The following SDK1 variants were observed in gnomAD, a reference collection of about 807,000 sequenced individuals.
The protein encoded by SDK1 is protein sidekick-1.
SDK1 carries 157 observed loss-of-function variants against 245.5 expected under a neutral mutation model. That is an observed-to-expected ratio of 0.64 (90% CI 0.56 to 0.73). SDK1 has a LOEUF of 0.73. Among genes scored for constraint, SDK1 ranks in the 30% least tolerant of loss-of-function variants. The pLI, the probability that SDK1 is intolerant of heterozygous loss-of-function variation, is 0.00. For missense variants in SDK1, 3,583 were observed against 3,002.3 expected (o/e 1.19, Z -4.52); for synonymous variants, 1,647 against 1,278.5 (o/e 1.29, Z -6.15).
At chr7:3,681,724 TAATTACTTGTTGAA>T (rs1366378214) in intron 4 of SDK1, among the ~76,000 whole-genome samples, 8 of 152,338 alleles carry the variant, frequency 5.3e-5, no homozygotes, top group African/African-American at 1.9e-4. Context: ...AGGCACATAA[TAATTACTTGTTGAA>T]TGAATACATT....
intron 44 of SDK1, among the ~76,000 whole-genome samples, chr7:4,260,981 G>A (rs566961507): frequency 6.6e-6 from 1 of 152,308 alleles, no homozygotes; most frequent in African/African-American, 2.4e-5. Context: ...TCTGTGTATT[G>A]TACCATAAGC....
chr7:3,799,704 C>CA (rs34448201), intron 4 of SDK1, among the ~76,000 whole-genome samples: 75,155 of 108,868 alleles, frequency 0.69, 27,313 homozygotes, highest in East Asian at 0.86. Context: ...GACTCCATCT[C>CA]AAAAAAAAAA....
chr7:3,617,581 A>G (rs570781719), intron 1 of SDK1, among the ~76,000 whole-genome samples: 3 of 152,324 alleles, frequency 2.0e-5, no homozygotes, highest in East Asian at 1.9e-4. Context: ...TCTTGGTTCT[A>G]GAGGCTGGAC....
At chr7:3,884,866 T>C (rs1781299704) in intron 5 of SDK1, among the ~76,000 whole-genome samples, 2 of 152,254 alleles carry the variant, frequency 1.3e-5, no homozygotes, top group African/African-American at 2.4e-5. Flanking sequence ...GGGCCTTCTC[T>C]GCTACAGAGT....
At chr7:4,031,877 A>G (rs1258282479) in intron 17 of SDK1, among the ~76,000 whole-genome samples, 1 of 152,084 alleles carries the variant, frequency 6.6e-6, no homozygotes, top group African/African-American at 2.4e-5. Context: ...AAATACAAAA[A>G]TTAGCCGGGC....
chr7:3,798,443 TC>T, intron 4 of SDK1, among the ~76,000 whole-genome samples: 1 of 152,202 alleles, frequency 6.6e-6, no homozygotes, highest in East Asian at 1.9e-4. Flanking sequence ...GGTCTTGATC[TC>T]CTGACCTTGT....
chr7:3,686,813 C>T (rs1784297384), intron 4 of SDK1, among the ~76,000 whole-genome samples: 1 of 152,140 alleles, frequency 6.6e-6, no homozygotes, highest in Admixed American at 6.5e-5. Flanking sequence ...AGTTAATTTT[C>T]TCAGGATCCC....
At chr7:3,519,066 A>G (rs1157341263) in intron 1 of SDK1, among the ~76,000 whole-genome samples, 1 of 152,154 alleles carries the variant, frequency 6.6e-6, no homozygotes. Context: ...AACACCACAT[A>G]TGTTCTCATA....
At chr7:3,675,131 A>G (rs937172348) in intron 4 of SDK1, among the ~76,000 whole-genome samples, 4 of 152,156 alleles carry the variant, frequency 2.6e-5, no homozygotes, top group Admixed American at 6.5e-5. Context: ...ATCTCCCTCC[A>G]TGCCCCAAAC....
intron 1 of SDK1, among the ~76,000 whole-genome samples, chr7:3,340,137 C>A (rs532435811): frequency 1.3e-5 from 2 of 151,790 alleles, no homozygotes; most frequent in South Asian, 4.2e-4. Flanking sequence ...TAGTTTTTCT[C>A]AAAAACTAAA....
intron 1 of SDK1, among the ~76,000 whole-genome samples, chr7:3,438,824 C>T (rs1450927914): frequency 6.4e-5 from 1 of 15,598 alleles, no homozygotes; most frequent in East Asian, 0.17. Flanking sequence ...GGCAGCAACC[C>T]TGTTTTCTTC....
chr7:3,372,353 G>A (rs563652172), intron 1 of SDK1, among the ~76,000 whole-genome samples: 1 of 152,258 alleles, frequency 6.6e-6, no homozygotes, highest in Admixed American at 6.5e-5. Flanking sequence ...TGTAGCCCAC[G>A]TTACAGTTAG....
chr7:3,319,981 A>AT (rs1394430684), intron 1 of SDK1, among the ~76,000 whole-genome samples: 1 of 150,412 alleles, frequency 6.6e-6, no homozygotes, highest in Non-Finnish European at 1.5e-5. Context: ...GAAAAAATGA[A>AT]TTTCACCTTG....
chr7:3,644,971 A>C (rs1782783243), intron 4 of SDK1, among the ~76,000 whole-genome samples: 1 of 145,614 alleles, frequency 6.9e-6, no homozygotes. Flanking sequence ...CCTCTCAAGC[A>C]CTGGAGCTTT....
At chr7:4,184,575 T>G (rs1381022050) in intron 35 of SDK1, among the ~76,000 whole-genome samples, 5 of 152,236 alleles carry the variant, frequency 3.3e-5, no homozygotes, top group Non-Finnish European at 5.9e-5. Context: ...TGATGAAATG[T>G]TCAGAATAGA....
chr7:3,372,473 T>A (rs1053128558), intron 1 of SDK1, among the ~76,000 whole-genome samples: 4 of 152,206 alleles, frequency 2.6e-5, no homozygotes, highest in African/African-American at 9.7e-5. Flanking sequence ...AAAACCTCTG[T>A]GCTTCAGAAC....
Position 3,778,567 on chromosome 7 carries a change from T to C in SDK1, c.714-42883T>C, listed in dbSNP as rs115208918. Among the ~76,000 whole-genome samples the C allele has an allele frequency of 5.5e-3, 841 of 152,366 alleles. 9 individuals are homozygous for C. The highest frequency in any genetic ancestry group is 0.019 in the African/African-American group (808 of 41,590). On this transcript the variant is annotated intron_variant, in intron 4 of 44. Coordinates refer to ENST00000404826, the MANE Select transcript of SDK1 (RefSeq NM_152744.4). ...GGCTGCCTGCACACATCTATATTTT[T>C]ACACTGACAGCATAAGTGTATGTTT...
rs539926754 is a variant in SDK1 at position 3,883,592 on chromosome 7, C to G, written c.847+62009C>G. Among the ~76,000 whole-genome samples the G allele has an allele frequency of 2.6e-4, 39 of 152,242 alleles. 1 individual carries two copies. Among genetic ancestry groups the G allele is most frequent in the African/African-American group, 8.9e-4 (37 of 41,536 alleles). ...ACTTTGAGCTTAAATAGTCCTGGAC[C>G]CCAGATCGTGCAGGCCTTTGACCTC... On this transcript the variant is annotated intron_variant, in intron 5 of 44. Transcript: ENST00000404826.
At chr7:3,399,384 G>C in intron 1 of SDK1, among the ~76,000 whole-genome samples, 1 of 151,992 alleles carries the variant, frequency 6.6e-6, no homozygotes, top group East Asian at 1.9e-4. Context: ...GAGCATGATG[G>C]TTTCCTTTAA....
Sources: allele counts gnomAD v4.1 joint callset (sites outside exome capture counted in the v4.1 genomes callset), GRCh38; gene constraint gnomAD v4.1.1; transcripts MANE v1.5; gene names NCBI Gene and HGNC (gene_info 2026-07-23, HGNC 2026-07-21).